CCDC60: variants seen among roughly 807,000 people sequenced by gnomAD.
CCDC60 encodes the protein coiled-coil domain-containing protein 60.
Under a neutral mutation model 63.5 loss-of-function variants are expected in CCDC60, and 54 were observed. The ratio of observed to expected loss-of-function variants is 0.85; its 90% CI spans 0.68 to 1.07. The LOEUF (loss-of-function observed/expected upper bound fraction) is 1.07, where lower values mean the gene tolerates loss of function less well. Ranked by LOEUF, CCDC60 falls within the 50% of genes least tolerant of loss-of-function variation. The pLI is 0.00. For synonymous variants in CCDC60, 206 were observed against 238.8 expected, an observed-to-expected ratio of 0.86 and a Z score of 1.27; for missense variants, 651 against 684.3, an observed-to-expected ratio of 0.95 and a Z score of 0.54.
chr12:119,471,961 C>T (rs1173939783), intron 2 of CCDC60, 33 bp from the exon 3 acceptor site: 2 of 1,590,344 alleles, frequency 1.3e-6, no homozygotes, highest in Admixed American at 3.4e-5. Context: ...CACCTTCCTC[C>T]CTCTCTCCCT....
intron 1 of CCDC60, among the ~76,000 whole-genome samples, chr12:119,344,294 G>T (rs1955564380): frequency 6.6e-6 from 1 of 152,108 alleles, no homozygotes; most frequent in Non-Finnish European, 1.5e-5. Flanking sequence ...CCAGCAGAAG[G>T]ATACTAAAGT....
rs1953142766 is a variant in CCDC60 at position 119,540,811 on chromosome 12, A to G, written c.*96A>G. ...GTGTTCCTGCCTCCTGACTACCCTCATGGATGCTCTTTATGGATGACCCTT... is the reference window on the plus strand; with the variant it reads ...GTGTTCCTGCCTCCTGACTACCCTCGTGGATGCTCTTTATGGATGACCCTT... On this transcript the variant is annotated 3_prime_UTR_variant, in exon 14 of 14. Transcript: ENST00000327554. The G allele has an allele frequency of 4.8e-6, 4 of 825,962 alleles. No homozygotes were observed. The highest frequency in any genetic ancestry group is 8.0e-6 in the Non-Finnish European group (4 of 503,044). The allele number at this position is 825,962 out of a possible 1,614,324, so 51.2% of individuals were successfully genotyped here. A position where few individuals can be genotyped will look rare whatever the true frequency, so the allele number is the denominator to read the frequency against.
At chr12:119,505,910 A>C (rs1196291095) in intron 7 of CCDC60, among the ~76,000 whole-genome samples, 1 of 152,230 alleles carries the variant, frequency 6.6e-6, no homozygotes, top group Non-Finnish European at 1.5e-5. Flanking sequence ...TATCATTTCA[A>C]TGTGTAACCA....
At chr12:119,361,413 T>G (rs564471208) in intron 1 of CCDC60, among the ~76,000 whole-genome samples, 1 of 152,302 alleles carries the variant, frequency 6.6e-6, no homozygotes, top group Admixed American at 6.5e-5. Context: ...TTGTCTCTAT[T>G]TCCATTTGTG....
intron 8 of CCDC60, 100 bp from the exon 9 acceptor site, chr12:119,520,021 C>A: frequency 2.0e-6 from 2 of 983,726 alleles, no homozygotes. Context: ...TCTGAAGATT[C>A]TTGCTCTAGA....
intron 2 of CCDC60, chr12:119,433,482 G>A (rs1950270703): frequency 1.4e-6 from 1 of 702,236 alleles, no homozygotes; most frequent in South Asian, 1.5e-5. Context: ...TGTTCCATCT[G>A]GCCACACTTC....
intron 9 of CCDC60, among the ~76,000 whole-genome samples, chr12:119,521,078 G>A (rs543656301): frequency 2.0e-5 from 3 of 152,230 alleles, no homozygotes; most frequent in Non-Finnish European, 4.4e-5. Context: ...TAAGAAATTC[G>A]TAGTAATCTA....
intron 1 of CCDC60, among the ~76,000 whole-genome samples, chr12:119,370,313 C>T (rs549503129): frequency 2.6e-5 from 4 of 152,340 alleles, no homozygotes; most frequent in African/African-American, 9.6e-5. Context: ...CAGTGCGCCC[C>T]GTGGTGCATT....
intron 12 of CCDC60, among the ~76,000 whole-genome samples, chr12:119,529,795 T>C (rs1178590975): frequency 6.6e-6 from 1 of 152,140 alleles, no homozygotes; most frequent in African/African-American, 2.4e-5. Flanking sequence ...GGAGGAAAGG[T>C]TGTTATGAAC....
Position 119,490,151 on chromosome 12 carries a change from T to G in CCDC60, c.557+1285T>G, listed in dbSNP as rs1951550711. Among the ~76,000 whole-genome samples the G allele has an allele frequency of 2.0e-5, 3 of 152,232 alleles. No homozygotes were observed. In the South Asian group the frequency reaches 6.2e-4, roughly 32 times the overall value. ...TTGAAGACATTTATTACCCATCCCC[T>G]AGATCTCCTCCACCCCCAAGTCATC... On this transcript the variant is annotated intron_variant, in intron 5 of 13. Coordinates refer to ENST00000327554, the MANE Select transcript of CCDC60 (RefSeq NM_178499.5).
In CCDC60 at chr12:119,530,968, C is replaced by T. The variant is rs139830518; in HGVS notation, c.1456C>T (p.Leu486=). 1.4e-5 allele frequency: 22 copies of T among 1,614,046 alleles called. No homozygotes were observed. The highest frequency in any genetic ancestry group is 5.3e-5 in the African/African-American group (4 of 74,940). ...LVKLQKFGEN[L]DLRIRPHVLL... ...GAAACTGCAGAAGTTTGGAGAAAAC[C>T]TGGACTTGCGGATTCGACCCCATGT... Residue 486 remains leucine (L), a synonymous_variant, in exon 13 of 14, where the codon CTG becomes TTG. Transcript: ENST00000327554.
At chr12:119,427,239 G>A (rs1177058205) in intron 1 of CCDC60, among the ~76,000 whole-genome samples, 1 of 152,056 alleles carries the variant, frequency 6.6e-6, no homozygotes, top group Non-Finnish European at 1.5e-5. Context: ...CTGCATTTTG[G>A]AGCTATGTCA....
At chr12:119,471,146 GGTGT>G (rs1366737715) in intron 2 of CCDC60, among the ~76,000 whole-genome samples, 2 of 152,216 alleles carry the variant, frequency 1.3e-5, no homozygotes, top group Non-Finnish European at 1.5e-5. Context: ...AGCGCAGGGA[GGTGT>G]GTAGCCCATC....
intron 1 of CCDC60, among the ~76,000 whole-genome samples, chr12:119,397,629 A>C (rs1008922702): frequency 6.8e-6 from 1 of 147,482 alleles, no homozygotes; most frequent in South Asian, 2.2e-4. Flanking sequence ...GTCCCCACTC[A>C]ACTCAGGAGC....
rs1485470689 is a variant in CCDC60, at chr12:119,433,624, T to C, written c.170+4862T>C. 5.7e-6 allele frequency: 4 copies of C among 700,622 alleles called. No homozygotes were observed. In the Admixed American group the frequency reaches 8.0e-5, roughly 14 times the overall value. 43.4% of individuals were successfully genotyped at this position (700,622 alleles called of 1,614,324 possible). ...ATATCCCAGTATTAAATGAGGCGAA[T>C]TGTTAACAAAGATGATGTTGACTTT... On this transcript the variant is annotated intron_variant, in intron 2 of 13. Transcript: ENST00000327554.
At chr12:119,379,251 C>G (rs1955985543) in intron 1 of CCDC60, among the ~76,000 whole-genome samples, 1 of 152,190 alleles carries the variant, frequency 6.6e-6, no homozygotes, top group African/African-American at 2.4e-5. Flanking sequence ...GTCCTCCAAA[C>G]CACTCACAAT....
intron 8 of CCDC60, among the ~76,000 whole-genome samples, chr12:119,519,434 TGCGC>T (rs1555255229): frequency 4.5e-4 from 55 of 121,962 alleles, no homozygotes; most frequent in African/African-American, 1.6e-3. Flanking sequence ...TGTGTGTGTG[TGCGC>T]GTGTGTGTGT....
chr12:119,384,445 T>C (rs1956039836), intron 1 of CCDC60, among the ~76,000 whole-genome samples: 1 of 152,204 alleles, frequency 6.6e-6, no homozygotes, highest in African/African-American at 2.4e-5. Flanking sequence ...TCCATCCCTC[T>C]GTCGACTGCA....
chr12:119,532,863 T>G (rs1433341124), intron 13 of CCDC60, among the ~76,000 whole-genome samples: 2 of 152,168 alleles, frequency 1.3e-5, no homozygotes, highest in East Asian at 3.9e-4. Flanking sequence ...TTGTGAATAG[T>G]GCTGCAGTAA....
Sources: gnomAD v4.1 joint callset for allele counts (sites outside exome capture counted in the v4.1 genomes callset) on GRCh38, gnomAD v4.1.1 for gene constraint, MANE v1.5 for transcripts, NCBI Gene and HGNC (gene_info 2026-07-23, HGNC 2026-07-21) for gene names.